DNAH3: variants seen among roughly 807,000 people sequenced by gnomAD.
DNAH3 encodes dynein axonemal heavy chain 3.
DNAH3 carries 332 observed loss-of-function variants against 432.5 expected under a neutral mutation model. The ratio of observed to expected loss-of-function variants is 0.77; its 90% CI spans 0.70 to 0.84. The LOEUF is 0.84. DNAH3 is among the 40% of genes least tolerant of loss of function. The probability of loss-of-function intolerance (pLI) is 0.00; values close to 1 mark genes in which losing one functional copy is unlikely to be tolerated. For synonymous variants in DNAH3, 1,956 were observed against 1,900.2 expected (o/e 1.03, Z -0.76); for missense variants, 4,861 against 5,114.0 (o/e 0.95, Z 1.51).
At chr16:20,972,419 A>G (rs1409668430) in intron 51 of DNAH3, among the ~76,000 whole-genome samples, 1 of 151,860 alleles carries the variant, frequency 6.6e-6, no homozygotes, top group Non-Finnish European at 1.5e-5. Flanking sequence ...TTTTTTGCAG[A>G]GAAGAGTTTT....
upstream of DNAH3, chr16:21,159,448 A>G (rs371002505): frequency 5.6e-6 from 9 of 1,612,784 alleles, no homozygotes; most frequent in African/African-American, 1.2e-4. Flanking sequence ...CCATCCCCCA[A>G]CCAGAGATGT....
rs550918786 is a variant in DNAH3, at chr16:21,155,410, T to A, written c.117+3915A>T. Among the ~76,000 whole-genome samples, 3 of 151,890 alleles carry A rather than the reference T, an allele frequency of 2.0e-5. No homozygotes were observed. In the South Asian group the frequency reaches 6.3e-4, roughly 32 times the overall value. ...AGGCCGAGGCAGGCGGATCACAAAG[T>A]CAGGAGTTTGAGACCAGCCTGACCA... On this transcript the variant is annotated intron_variant, in intron 1 of 61. Transcript: ENST00000261383.
At chr16:20,985,795 T>G (rs2086163944) in intron 47 of DNAH3, 80 bp from the exon 48 acceptor site, 1 of 1,399,048 alleles carries the variant, frequency 7.1e-7, no homozygotes, top group African/African-American at 1.4e-5. Flanking sequence ...AGGGAGGGCA[T>G]GGGAGACGTG....
intron 24 of DNAH3, 182 bp from the exon 25 acceptor site, chr16:21,062,865 T>C: frequency 1.7e-6 from 1 of 596,524 alleles, no homozygotes; most frequent in South Asian, 2.1e-5. Context: ...AGTTTTGCTT[T>C]TCTTAAGAGA....
intron 44 of DNAH3, among the ~76,000 whole-genome samples, chr16:20,992,948 C>T (rs565491120): frequency 6.6e-6 from 1 of 152,248 alleles, no homozygotes; most frequent in African/African-American, 2.4e-5. Context: ...TCACTGCAAC[C>T]TTTACCACCC....
intron 41 of DNAH3, among the ~76,000 whole-genome samples, chr16:21,004,872 T>TG (rs1486065552): frequency 6.6e-6 from 1 of 152,188 alleles, no homozygotes; most frequent in East Asian, 1.9e-4. Flanking sequence ...AACTGTGAGG[T>TG]GATTAACTCT....
chr16:21,152,620 G>A (rs530207891), intron 1 of DNAH3, among the ~76,000 whole-genome samples: 4 of 152,366 alleles, frequency 2.6e-5, no homozygotes, highest in African/African-American at 9.6e-5. Context: ...CGGGAACCCG[G>A]GCTGCGCACG....
At chr16:21,065,747 C>A (rs923352388) in intron 24 of DNAH3, among the ~76,000 whole-genome samples, 2 of 152,210 alleles carry the variant, frequency 1.3e-5, no homozygotes, top group African/African-American at 4.8e-5. Flanking sequence ...ACAGTACGGA[C>A]AAAGAACATT....
intron 41 of DNAH3, among the ~76,000 whole-genome samples, chr16:21,017,047 T>G (rs1217271746): frequency 6.6e-6 from 1 of 152,064 alleles, no homozygotes; most frequent in Non-Finnish European, 1.5e-5. Flanking sequence ...AACAGTTAGT[T>G]TGGGAATGTG....
chr16:20,964,532 C>G lies in DNAH3; in HGVS notation c.9352G>C (p.Ala3118Pro), dbSNP rs139454085. ...AAGACAGGGGTGCCTAACTGCAGCG[C>G]GTTTTCCAGCATCCTCATGTAGTTG... The change falls in exon 53 of 62, where the codon GCG (alanine) becomes CCG (proline). Residue 3118 changes from alanine to proline, a missense_variant. Transcript: ENST00000261383. The G allele has an allele frequency of 7.4e-6, 12 of 1,614,008 alleles. No individual in the cohort carries two copies. The South Asian group carries it at 1.1e-4, about 15-fold the overall frequency.
chr16:20,991,883 C>T (rs113771929), intron 44 of DNAH3, among the ~76,000 whole-genome samples: 1 of 152,178 alleles, frequency 6.6e-6, no homozygotes, highest in African/African-American at 2.4e-5. Context: ...TACTGATGCT[C>T]AATGGCTACA....
rs189966713 is a variant in DNAH3, at chr16:21,126,077, C to T, written c.1209-707G>A. Among the ~76,000 whole-genome samples the T allele has an allele frequency of 1.5e-4, 23 of 152,274 alleles. No homozygotes were observed. The East Asian group carries it at 4.2e-3, about 28-fold the overall frequency. ...ACTTGGGAGGCTGAGGCAGGAGAATCACTTGAACCTGGGAGATGGGAGGTT... is the reference window on the plus strand; with the variant it reads ...ACTTGGGAGGCTGAGGCAGGAGAATTACTTGAACCTGGGAGATGGGAGGTT... On this transcript the variant is annotated intron_variant, in intron 8 of 61. Coordinates refer to ENST00000261383, the Ensembl canonical transcript of DNAH3.
At chr16:20,964,820 T>A (rs1251427768) in exon 53 of DNAH3, 1 of 1,614,104 alleles carries the variant, frequency 6.2e-7, no homozygotes, top group South Asian at 1.1e-5. Context: ...AACCACTGAT[T>A]TTGGCACTGG....
At chr16:21,126,962 C>T (rs904008412) in intron 8 of DNAH3, among the ~76,000 whole-genome samples, 5 of 151,998 alleles carry the variant, frequency 3.3e-5, no homozygotes, top group African/African-American at 4.8e-5. Flanking sequence ...TCTGTTTCTA[C>T]ATTATGGTGA....
chr16:21,050,936 A>T (rs920447293), intron 29 of DNAH3, among the ~76,000 whole-genome samples: 2 of 152,138 alleles, frequency 1.3e-5, no homozygotes, highest in African/African-American at 4.8e-5. Context: ...TCATTTGAAT[A>T]TGTCTCTCCC....
At chr16:20,972,295 G>A (rs554419072) in intron 51 of DNAH3, among the ~76,000 whole-genome samples, 1 of 151,002 alleles carries the variant, frequency 6.6e-6, no homozygotes, top group African/African-American at 2.4e-5. Flanking sequence ...GTGCAGTGGT[G>A]GGATCATAGC....
chr16:21,106,530 A>T, exon 15 of DNAH3: 4 of 1,612,114 alleles, frequency 2.5e-6, no homozygotes, highest in Non-Finnish European at 3.4e-6. Context: ...CCAGCCGTTC[A>T]CTTGCATCTC....
chr16:20,979,397 T>C, exon 50 of DNAH3: 1 of 1,614,172 alleles, frequency 6.2e-7, no homozygotes, highest in Non-Finnish European at 8.5e-7. Context: ...AGCCACCTCT[T>C]GCCTCTTGCT....
chr16:21,083,688 G>GA (rs1226085529), intron 19 of DNAH3, among the ~76,000 whole-genome samples: 1 of 147,128 alleles, frequency 6.8e-6, no homozygotes, highest in African/African-American at 2.5e-5. Context: ...GAGTGCTACA[G>GA]ATGGCTCATC....
Sources: allele counts gnomAD v4.1 joint callset (sites outside exome capture counted in the v4.1 genomes callset), GRCh38; gene constraint gnomAD v4.1.1; transcripts MANE v1.5; gene names NCBI Gene and HGNC (gene_info 2026-07-23, HGNC 2026-07-21).